Variants in KDM3A observed in about 807,000 individuals in gnomAD.
KDM3A encodes lysine-specific demethylase 3A.
Under a neutral mutation model 158.0 loss-of-function variants are expected in KDM3A, and 60 were observed. The ratio of observed to expected loss-of-function variants is 0.38; its 90% CI spans 0.31 to 0.47. KDM3A has a LOEUF of 0.47. Ranked by LOEUF, KDM3A falls within the 20% of genes least tolerant of loss-of-function variation. The pLI is 0.99. For missense variants in KDM3A, 1,319 were observed against 1,574.3 expected (o/e 0.84, Z 2.74); for synonymous variants, 608 against 549.3 (o/e 1.11, Z -1.49).
At position 86,466,869 on chromosome 2, in the gene KDM3A, A is replaced by G. The variant is rs114134559; in HGVS notation, c.1505A>G (p.Asn502Ser). The G allele has an allele frequency of 3.8e-4, 603 of 1,601,610 alleles. 3 individuals are homozygous for G. In the African/African-American group the frequency reaches 6.9e-3, roughly 18 times the overall value. The change falls in exon 10 of 26, where the codon AAT becomes AGT. Residue 502 changes from asparagine (N) to serine (S), a missense_variant. By Grantham distance (46) the Asn-to-Ser change is conservative (BLOSUM62 1). Transcript: ENST00000312912. ...GAAAGCTGTTGTTCAAGAAGCAACA[A>G]TAAAATCCAGAATGGTGAGTGTTTC... The part of the protein sequence containing the change: ...DNESCCSRSN[N>S]KIQNAPSRKS...
intron 16 of KDM3A, 74 bp from the exon 17 acceptor site, chr2:86,481,856 C>A: frequency 8.8e-7 from 1 of 1,133,454 alleles, no homozygotes; most frequent in Non-Finnish European, 1.3e-6. Flanking sequence ...TAAAGTAATT[C>A]TGCTAGTAGA....
rs1252609075 is a variant in KDM3A at position 86,491,069 on chromosome 2, TA to T, written c.3750+13del. ...GAGCTCCACATCAGGCAAGAATCAT[TA>T]CTTTTTCTTTAATCTCTTTATGTCA... On this transcript the variant is annotated intron_variant, in intron 24 of 25. Coordinates refer to ENST00000312912, the MANE Select transcript of KDM3A (RefSeq NM_018433.6). The T allele has an allele frequency of 1.2e-6, 2 of 1,613,034 alleles. No individual in the cohort carries two copies. Among genetic ancestry groups the T allele is most frequent in the African/African-American group, 1.3e-5 (1 of 74,774 alleles).
chr2:86,464,933 T>G (rs1046382603), intron 9 of KDM3A, among the ~76,000 whole-genome samples: 1 of 152,206 alleles, frequency 6.6e-6, no homozygotes, highest in East Asian at 1.9e-4. Flanking sequence ...TGGGAAAAAG[T>G]AGTCAGTCTG....
intron 9 of KDM3A, among the ~76,000 whole-genome samples, chr2:86,464,483 G>A (rs1673053967): frequency 6.6e-6 from 1 of 152,200 alleles, no homozygotes; most frequent in African/African-American, 2.4e-5. Context: ...TAAAACAGGT[G>A]TCTTCTTTTA....
Position 86,485,046 on chromosome 2 carries a change from G to C in KDM3A, c.3182+17G>C. The C allele has an allele frequency of 3.7e-6, 5 of 1,362,720 alleles. No individual in the cohort carries two copies. The highest frequency in any genetic ancestry group is 5.2e-6 in the Non-Finnish European group (5 of 952,496). 84.4% of individuals were successfully genotyped at this position (1,362,720 alleles called of 1,614,324 possible). A position where few individuals can be genotyped will look rare whatever the true frequency, so the allele number is the denominator to read the frequency against. ...GCCTTCCAGGTATGATTATGAAGGT[G>C]GGGAGAGATGATTCTGTCCTTCACT... On this transcript the variant is annotated intron_variant, in intron 20 of 25. Coordinates refer to ENST00000312912, the MANE Select transcript of KDM3A (RefSeq NM_018433.6).
chr2:86,484,240 T>C, intron 19 of KDM3A, 82 bp downstream of exon 19: 1 of 1,199,956 alleles, frequency 8.3e-7, no homozygotes, highest in Non-Finnish European at 1.2e-6. Flanking sequence ...GACCCATCAG[T>C]GGCAGCCGCA....
At chr2:86,479,894 T>TTA in intron 15 of KDM3A, 1 of 409,644 alleles carries the variant, frequency 2.4e-6, no homozygotes, top group Non-Finnish European at 4.4e-6. Flanking sequence ...GCATGGTACA[T>TTA]AGAGTAATAG....
Position 86,464,212 on chromosome 2 carries a change from C to A in KDM3A, c.1003C>A (p.Gln335Lys). Reference protein sequence around the residue: ...SPPNLGAKIPQGCHKQSLPEE... With the variant: ...SPPNLGAKIPKGCHKQSLPEE... ...ACCTAACCTTGGAGCAAAAATTCCTCAAGGGTGAGTAGTGATTTGTTAAAG... is the reference window on the plus strand; with the variant it reads ...ACCTAACCTTGGAGCAAAAATTCCTAAAGGGTGAGTAGTGATTTGTTAAAG... Residue 335 changes from glutamine to lysine, a missense_variant, in exon 9 of 26, where the codon CAA becomes AAA. Physicochemically the swap from Gln to Lys is moderately conservative, Grantham distance 53 (BLOSUM62 1). Transcript: ENST00000312912. 1 of 1,598,144 alleles carries A rather than the reference C, an allele frequency of 6.3e-7. No homozygotes were observed. Among genetic ancestry groups the A allele is most frequent in the Admixed American group, 1.7e-5 (1 of 58,288 alleles).
At chr2:86,467,615 A>C (rs1221995375) in intron 10 of KDM3A, among the ~76,000 whole-genome samples, 1 of 152,200 alleles carries the variant, frequency 6.6e-6, no homozygotes, top group Admixed American at 6.5e-5. Context: ...AAGCTCTGTT[A>C]CTAGAGTTAG....
At position 86,464,040 on chromosome 2, in the gene KDM3A, T is replaced by C. The variant is rs1407646092; in HGVS notation, c.844-13T>C. On this transcript the variant is annotated splice_polypyrimidine_tract_variant and intron_variant, in intron 8 of 25. Transcript: ENST00000312912. ...GACTTCCTTTTAATATCTGTTGGTT[T>C]GGTATCTTCTAGGCCTCTCCCAGTA... 1 of 1,502,396 alleles carries C rather than the reference T, an allele frequency of 6.7e-7. No individual in the cohort carries two copies. Among genetic ancestry groups the C allele is most frequent in the East Asian group, 2.4e-5 (1 of 41,066 alleles). The allele number at this position is 1,502,396 out of a possible 1,614,324, so 93.1% of individuals were successfully genotyped here.
At chr2:86,452,519 TAAAAC>T (rs931091799) in intron 4 of KDM3A, among the ~76,000 whole-genome samples, 11 of 152,298 alleles carry the variant, frequency 7.2e-5, no homozygotes, top group African/African-American at 2.4e-4. Context: ...TGCAACTTGA[TAAAAC>T]ATAACTACTG....
intron 8 of KDM3A, among the ~76,000 whole-genome samples, chr2:86,460,349 A>G (rs546876567): frequency 8.5e-5 from 13 of 152,276 alleles, no homozygotes; most frequent in African/African-American, 2.6e-4. Flanking sequence ...GTAGTCAGAC[A>G]AGTTTTGGAT....
intron 10 of KDM3A, among the ~76,000 whole-genome samples, chr2:86,467,908 C>T (rs1042831179): frequency 6.6e-6 from 1 of 152,014 alleles, no homozygotes; most frequent in African/African-American, 2.4e-5. Flanking sequence ...ACCTGTTATT[C>T]CTAGCTACTG....
At chr2:86,489,721 T>C (rs1674362559) in intron 23 of KDM3A, 62 bp downstream of exon 23, 2 of 1,520,552 alleles carry the variant, frequency 1.3e-6, no homozygotes, top group Admixed American at 2.1e-5. Flanking sequence ...TGTTACTACA[T>C]GTGGTGAACT....
At chr2:86,485,499 A>G (rs978589148) in intron 20 of KDM3A, among the ~76,000 whole-genome samples, 2 of 152,226 alleles carry the variant, frequency 1.3e-5, no homozygotes, top group African/African-American at 4.8e-5. Flanking sequence ...TATTGCTGAG[A>G]TCTTTTGTCT....
In KDM3A at chr2:86,446,726, GT is replaced by G. The variant is rs199651786; in HGVS notation, c.187-3074del. Among the ~76,000 whole-genome samples, 7 of 152,038 alleles carry G rather than the reference GT, an allele frequency of 4.6e-5. No homozygotes were observed. The East Asian group carries it at 1.2e-3, about 25-fold the overall frequency. On this transcript the variant is annotated intron_variant, in intron 2 of 25. Transcript: ENST00000312912. ...CTCTGTCTCAAAAAATAAAATAAGTGTTTTTTTGTAGAAATGTCCACAGAAG... is the reference window on the plus strand; with the variant it reads ...CTCTGTCTCAAAAAATAAAATAAGTGTTTTTTGTAGAAATGTCCACAGAAG...
intron 23 of KDM3A, 92 bp downstream of exon 23, chr2:86,489,751 A>G: frequency 7.1e-7 from 1 of 1,402,642 alleles, no homozygotes; most frequent in Non-Finnish European, 9.6e-7. Context: ...GGCTAGGGGA[A>G]TTGTCACAAC....
Position 86,489,677 on chromosome 2 carries a change from T to C in KDM3A, c.3573+18T>C. On this transcript the variant is annotated intron_variant, in intron 23 of 25. Transcript: ENST00000312912. ...TTAAAAAGGTGTGCTGCTTATGGCA[T>C]GTGTGAACAGAGGCATAAGGAATAG... is the stretch of plus-strand genomic sequence containing the variant. 1 of 1,601,338 alleles carries C rather than the reference T, an allele frequency of 6.2e-7. No individual in the cohort carries two copies. Among genetic ancestry groups the C allele is most frequent in the East Asian group, 2.2e-5 (1 of 44,766 alleles).
chr2:86,464,277 C>T (rs1360724659), intron 9 of KDM3A, 61 bp downstream of exon 9: 5 of 1,227,472 alleles, frequency 4.1e-6, no homozygotes, highest in African/African-American at 1.6e-5. Flanking sequence ...TTAGTCATGG[C>T]TCATTGTTTT....
Sources: allele counts gnomAD v4.1 joint callset (sites outside exome capture counted in the v4.1 genomes callset), GRCh38; gene constraint gnomAD v4.1.1; transcripts MANE v1.5; gene names NCBI Gene and HGNC (gene_info 2026-07-23, HGNC 2026-07-21).